FER: variants seen among roughly 807,000 people sequenced by gnomAD.
FER encodes the protein FER tyrosine kinase, also known as tyrosine-protein kinase Fer.
In FER, 63 loss-of-function variants were observed where a neutral mutation model predicts 111.0. The observed-to-expected ratio is 0.57, with a 90% confidence interval of 0.46 to 0.70. The LOEUF is 0.70. FER is among the 30% of genes least tolerant of loss of function. The pLI is 0.00. For synonymous variants in FER, 327 were observed against 313.9 expected (o/e 1.04, Z -0.44); for missense variants, 914 against 954.0 (o/e 0.96, Z 0.55).
At chr5:108,923,713 C>G (rs1370181067) in intron 10 of FER, among the ~76,000 whole-genome samples, 1 of 152,160 alleles carries the variant, frequency 6.6e-6, no homozygotes, top group Non-Finnish European at 1.5e-5. Flanking sequence ...TACTTCCTCT[C>G]TAGCCCTGAC....
intron 2 of FER, among the ~76,000 whole-genome samples, chr5:108,796,575 TC>T (rs1194547692): frequency 6.6e-5 from 10 of 152,148 alleles, no homozygotes; most frequent in African/African-American, 2.4e-4. Flanking sequence ...AAACTGGCAC[TC>T]AAGCCATGAG....
intron 8 of FER, among the ~76,000 whole-genome samples, chr5:108,880,427 G>A (rs1313882138): frequency 6.6e-6 from 1 of 152,118 alleles, no homozygotes; most frequent in Non-Finnish European, 1.5e-5. Context: ...AGGGCTCTGT[G>A]TTCTAAACTT....
At chr5:108,797,624 TTGA>T (rs1321417104) in intron 2 of FER, among the ~76,000 whole-genome samples, 1 of 152,232 alleles carries the variant, frequency 6.6e-6, no homozygotes, top group Non-Finnish European at 1.5e-5. Flanking sequence ...AGGACTGGTC[TTGA>T]TGATTCGAGA....
At position 109,192,777 on chromosome 5, in the gene FER, G is replaced by A. The variant is rs893076350; in HGVS notation, c.*5202G>A. 1 of 152,116 alleles carries A rather than the reference G, an allele frequency of 6.6e-6. No homozygotes were observed. Among genetic ancestry groups the A allele is most frequent in the African/African-American group, 2.4e-5 (1 of 41,418 alleles). 9.4% of individuals were successfully genotyped at this position (152,116 alleles called of 1,614,324 possible). A position where few individuals can be genotyped will look rare whatever the true frequency, so the allele number is the denominator to read the frequency against. ...TGGCTCCTAGAGTTACCCACAGAGG[G>A]AGCTTACTATGATGAGAGCTACTGT... On this transcript the variant is annotated 3_prime_UTR_variant, in exon 20 of 20. Coordinates refer to ENST00000281092, the MANE Select transcript of FER (RefSeq NM_005246.4).
At chr5:108,866,624 C>T (rs779421523) in intron 5 of FER, among the ~76,000 whole-genome samples, 11 of 150,702 alleles carry the variant, frequency 7.3e-5, no homozygotes, top group Non-Finnish European at 1.6e-4. Context: ...GCCTTGACAC[C>T]AATGAATCTC....
intron 3 of FER, among the ~76,000 whole-genome samples, chr5:108,822,628 A>G (rs1758971057): frequency 6.6e-6 from 1 of 152,164 alleles, no homozygotes; most frequent in South Asian, 2.1e-4. Context: ...CCACCCACAT[A>G]GTAGCAGCCC....
chr5:109,033,289 G>C (rs1769901743), intron 13 of FER, among the ~76,000 whole-genome samples: 1 of 152,168 alleles, frequency 6.6e-6, no homozygotes, highest in Non-Finnish European at 1.5e-5. Context: ...ACAGAGCAAA[G>C]ATAGAGACCA....
chr5:108,927,078 A>C (rs1384480664), intron 10 of FER, among the ~76,000 whole-genome samples: 1 of 151,898 alleles, frequency 6.6e-6, no homozygotes, highest in Non-Finnish European at 1.5e-5. Flanking sequence ...TATGTGTGGT[A>C]GATCCATTCT....
chr5:109,118,855 C>T (rs562095394), intron 17 of FER, among the ~76,000 whole-genome samples: 2 of 151,528 alleles, frequency 1.3e-5, no homozygotes, highest in South Asian at 4.2e-4. Flanking sequence ...GGTGATATCC[C>T]CTTTATCATT....
Position 108,980,264 on chromosome 5 carries a change from A to G in FER, c.1656+20917A>G, listed in dbSNP as rs144269627. ...TCAGCCATGTACCATGCCTCTATGT[A>G]TAAATTTATACTGGTAGGCCAGGAG... is the stretch of plus-strand genomic sequence containing the variant. On this transcript the variant is annotated intron_variant, in intron 13 of 19. Coordinates refer to ENST00000281092, the MANE Select transcript of FER (RefSeq NM_005246.4). 5.6e-3 allele frequency among the ~76,000 whole-genome samples: 849 copies of G among 152,236 alleles called. 7 individuals carry two copies. The highest frequency in any genetic ancestry group is 0.027 in the Middle Eastern group (8 of 294).
chr5:108,875,067 TATG>T (rs1398892685), intron 8 of FER, among the ~76,000 whole-genome samples: 1 of 152,178 alleles, frequency 6.6e-6, no homozygotes, highest in East Asian at 1.9e-4. Flanking sequence ...CCTATCTGAA[TATG>T]TACCACGAAG....
chr5:108,853,048 T>G (rs1468153421), intron 5 of FER, among the ~76,000 whole-genome samples: 2 of 152,204 alleles, frequency 1.3e-5, no homozygotes, highest in Non-Finnish European at 2.9e-5. Context: ...GCTAATTATC[T>G]TCTATATTTT....
chr5:109,126,478 G>A (rs368079542), intron 17 of FER, among the ~76,000 whole-genome samples: 3 of 152,244 alleles, frequency 2.0e-5, no homozygotes, highest in East Asian at 1.9e-4. Context: ...GGCTAGGCCC[G>A]TCTAAATCCA....
At chr5:108,925,888 A>T (rs1753670601) in intron 10 of FER, among the ~76,000 whole-genome samples, 1 of 152,034 alleles carries the variant, frequency 6.6e-6, no homozygotes, top group African/African-American at 2.4e-5. Context: ...CATTGGGATC[A>T]TCTTCTCCAA....
intron 16 of FER, among the ~76,000 whole-genome samples, chr5:109,074,106 A>G (rs1384656328): frequency 6.6e-6 from 1 of 152,200 alleles, no homozygotes; most frequent in African/African-American, 2.4e-5. Flanking sequence ...GCAGGGCAAA[A>G]TGATATCTAG....
intron 17 of FER, among the ~76,000 whole-genome samples, chr5:109,143,486 A>G (rs1753740483): frequency 6.6e-6 from 1 of 152,024 alleles, no homozygotes; most frequent in South Asian, 2.1e-4. Flanking sequence ...CTATCAGCCT[A>G]ACTGTAACTT....
intron 1 of FER, among the ~76,000 whole-genome samples, 187 bp from the exon 2 acceptor site, chr5:108,767,906 A>G (rs1019442994): frequency 2.0e-5 from 3 of 152,214 alleles, no homozygotes; most frequent in Admixed American, 2.0e-4. Context: ...AAAGTTAGAG[A>G]AAGATAGGGG....
intron 13 of FER, among the ~76,000 whole-genome samples, chr5:108,998,580 AT>A (rs1170020631): frequency 2.6e-5 from 4 of 152,062 alleles, no homozygotes; most frequent in African/African-American, 9.7e-5. Context: ...AGCTGTTCCT[AT>A]TTGGCCATCT....
At chr5:108,849,760 A>G (rs1580862706) in intron 5 of FER, among the ~76,000 whole-genome samples, 1 of 152,218 alleles carries the variant, frequency 6.6e-6, no homozygotes, top group East Asian at 1.9e-4. Context: ...TTTTAAACTC[A>G]TTAGACTGGG....
Sources: allele counts gnomAD v4.1 joint callset (sites outside exome capture counted in the v4.1 genomes callset), GRCh38; gene constraint gnomAD v4.1.1; transcripts MANE v1.5; gene names NCBI Gene and HGNC (gene_info 2026-07-23, HGNC 2026-07-21).